Variants in AP1S3 observed in about 807,000 individuals in gnomAD.
AP1S3 encodes the protein AP-1 complex subunit sigma-3.
Under a neutral mutation model 20.9 loss-of-function variants are expected in AP1S3, and 10 were observed. The ratio of observed to expected loss-of-function variants is 0.48; its 90% CI spans 0.29 to 0.81. The LOEUF (loss-of-function observed/expected upper bound fraction) is 0.81, where lower values mean the gene tolerates loss of function less well. Among genes scored for constraint, AP1S3 ranks in the 30% least tolerant of loss-of-function variants. AP1S3 has a pLI of 0.08. For synonymous variants in AP1S3, 41 were observed against 61.5 expected (o/e 0.67, Z 1.56); for missense variants, 154 against 183.8 (o/e 0.84, Z 0.94).
rs940968818 is a variant in AP1S3, at chr2:223,798,010, G to A, written c.4-20141C>T. On this transcript the variant is annotated intron_variant, in intron 1 of 4. Coordinates refer to ENST00000396654, the MANE Select transcript of AP1S3 (RefSeq NM_001039569.2). ...AGTGGTCCTCTGACCCAAGAACCTCGCTTCTATATCTCAGCCGAATATTAC... is the reference window on the plus strand; with the variant it reads ...AGTGGTCCTCTGACCCAAGAACCTCACTTCTATATCTCAGCCGAATATTAC... 3.9e-5 allele frequency among the ~76,000 whole-genome samples: 6 copies of A among 152,228 alleles called. No homozygotes were observed. In the East Asian group the frequency reaches 5.8e-4, roughly 15 times the overall value.
At chr2:223,818,702 G>A (rs760155246) in intron 1 of AP1S3, among the ~76,000 whole-genome samples, 3 of 151,986 alleles carry the variant, frequency 2.0e-5, no homozygotes, top group South Asian at 2.1e-4. Context: ...ACAGGCATGC[G>A]CCACCACACC....
intron 1 of AP1S3, among the ~76,000 whole-genome samples, chr2:223,779,962 C>T (rs1319023218): frequency 1.3e-5 from 2 of 151,518 alleles, no homozygotes; most frequent in Admixed American, 6.6e-5. Flanking sequence ...AGCGAAACTC[C>T]GTCTCAAAAA....
intron 1 of AP1S3, among the ~76,000 whole-genome samples, chr2:223,800,292 G>C (rs985285045): frequency 6.6e-6 from 1 of 151,808 alleles, no homozygotes; most frequent in African/African-American, 2.4e-5. Flanking sequence ...CAGAGCTTCA[G>C]GAGGCTGAGG....
chr2:223,788,779 AAAG>A lies in AP1S3; in HGVS notation c.4-10913_4-10911del, dbSNP rs1237362307. Among the ~76,000 whole-genome samples, 220 of 146,436 alleles carry A rather than the reference AAAG, an allele frequency of 1.5e-3. 3 individuals are homozygous for A. The highest frequency in any genetic ancestry group is 4.5e-3 in the African/African-American group (179 of 39,392). The stretch of plus-strand genomic sequence containing the variant: ...ACTCTGTCTAAAAAAAAAAAAAAAA[AAAG>A]AAGAAGAAGAAGAAGAGATATTTGC... On this transcript the variant is annotated intron_variant, in intron 1 of 4. Transcript: ENST00000396654.
intron 1 of AP1S3, among the ~76,000 whole-genome samples, chr2:223,799,749 T>A (rs1691423698): frequency 6.6e-6 from 1 of 152,280 alleles, no homozygotes. Flanking sequence ...GCTGATTAGG[T>A]ACAACACTTC....
Position 223,755,941 on chromosome 2 carries a change from G to A in AP1S3, c.*2774C>T, listed in dbSNP as rs1690202360. 2 of 985,404 alleles carry A rather than the reference G, an allele frequency of 2.0e-6. No homozygotes were observed. The highest frequency in any genetic ancestry group is 1.2e-6 in the Non-Finnish European group (1 of 829,924). The allele number at this position is 985,404 out of a possible 1,614,324, so 61.0% of individuals were successfully genotyped here. A position where few individuals can be genotyped will look rare whatever the true frequency, so the allele number is the denominator to read the frequency against. ...GAACATGTGTAGTATATTTGAATGA[G>A]GTTCAAGAGATACCTTTATCCAAAT... is the stretch of plus-strand genomic sequence containing the variant. On this transcript the variant is annotated 3_prime_UTR_variant, in exon 5 of 5. Transcript: ENST00000396654.
intron 1 of AP1S3, among the ~76,000 whole-genome samples, chr2:223,794,983 G>A (rs992765911): frequency 5.9e-5 from 9 of 152,288 alleles, no homozygotes; most frequent in African/African-American, 1.4e-4. Flanking sequence ...CAGGCCAGGC[G>A]CAGTGGCTCA....
chr2:223,813,490 T>C (rs1691779689), intron 1 of AP1S3, among the ~76,000 whole-genome samples: 1 of 152,238 alleles, frequency 6.6e-6, no homozygotes, highest in African/African-American at 2.4e-5. Flanking sequence ...TCTTTTAAAA[T>C]GTGGTAACTG....
intron 1 of AP1S3, among the ~76,000 whole-genome samples, chr2:223,801,213 T>C (rs1024798317): frequency 1.3e-5 from 2 of 152,226 alleles, no homozygotes; most frequent in Non-Finnish European, 2.9e-5. Context: ...GAGAAGTAGA[T>C]ACTATTATTA....
At chr2:223,822,496 C>T (rs766181258) in intron 1 of AP1S3, among the ~76,000 whole-genome samples, 1 of 151,984 alleles carries the variant, frequency 6.6e-6, no homozygotes, top group Non-Finnish European at 1.5e-5. Flanking sequence ...ACCAACCTTA[C>T]CAACATGGAG....
chr2:223,829,846 C>CAAA (rs747229566), intron 1 of AP1S3, among the ~76,000 whole-genome samples: 3 of 125,418 alleles, frequency 2.4e-5, no homozygotes, highest in African/African-American at 8.4e-5. Context: ...CAAAAAAAAA[C>CAAA]AAAAAAAAAA....
At chr2:223,777,986 A>C (rs893207375) in intron 1 of AP1S3, 117 bp from the exon 2 acceptor site, 7 of 922,298 alleles carry the variant, frequency 7.6e-6, no homozygotes, top group Non-Finnish European at 1.1e-5. Context: ...ACGGATGAAA[A>C]AATTCTTACC....
chr2:223,788,110 C>A (rs1691118909), intron 1 of AP1S3, among the ~76,000 whole-genome samples: 1 of 151,812 alleles, frequency 6.6e-6, no homozygotes, highest in Non-Finnish European at 1.5e-5. Flanking sequence ...CCATGCCTGG[C>A]TCATTTTTGT....
At chr2:223,817,780 A>G (rs1391926708) in intron 1 of AP1S3, among the ~76,000 whole-genome samples, 1 of 151,910 alleles carries the variant, frequency 6.6e-6, no homozygotes, top group African/African-American at 2.4e-5. Context: ...TTGGCCCACT[A>G]ACTCTTACTA....
chr2:223,826,953 A>G (rs1692142064), intron 1 of AP1S3, among the ~76,000 whole-genome samples: 1 of 152,214 alleles, frequency 6.6e-6, no homozygotes, highest in Non-Finnish European at 1.5e-5. Context: ...CTCATTAAAA[A>G]TCTATCCCCA....
intron 1 of AP1S3, among the ~76,000 whole-genome samples, chr2:223,809,230 C>A (rs1330234390): frequency 6.6e-6 from 1 of 152,212 alleles, no homozygotes; most frequent in African/African-American, 2.4e-5. Flanking sequence ...CCTCTGAAAT[C>A]ATCTACTCTT....
intron 1 of AP1S3, among the ~76,000 whole-genome samples, chr2:223,825,129 G>A (rs1051584472): frequency 4.0e-5 from 6 of 151,866 alleles, no homozygotes; most frequent in African/African-American, 1.5e-4. Context: ...CTAACACGGT[G>A]AAACCCCATC....
At chr2:223,784,153 C>A (rs183783624) in intron 1 of AP1S3, among the ~76,000 whole-genome samples, 7 of 152,254 alleles carry the variant, frequency 4.6e-5, no homozygotes, top group East Asian at 1.9e-4. Flanking sequence ...TTGGTGCCAC[C>A]GTTAAGGTCT....
intron 4 of AP1S3, 79 bp downstream of exon 4, chr2:223,765,134 C>T (rs1382023364): frequency 1.3e-6 from 2 of 1,565,448 alleles, no homozygotes; most frequent in Non-Finnish European, 1.7e-6. Flanking sequence ...CTCAGTAAGT[C>T]TGGTTAATAT....
Sources: gnomAD v4.1 joint callset for allele counts (sites outside exome capture counted in the v4.1 genomes callset) on GRCh38, gnomAD v4.1.1 for gene constraint, MANE v1.5 for transcripts, NCBI Gene and HGNC (gene_info 2026-07-23, HGNC 2026-07-21) for gene names.